The following CCDC42 variants were observed in gnomAD, a reference collection of about 807,000 sequenced individuals.
The protein encoded by CCDC42 is coiled-coil domain containing 42, also known as coiled-coil domain-containing protein 42.
Under a neutral mutation model 40.8 loss-of-function variants are expected in CCDC42, and 38 were observed. That is an observed-to-expected ratio of 0.93 (90% CI 0.72 to 1.22). The LOEUF (loss-of-function observed/expected upper bound fraction) is 1.22. Ranked by LOEUF, CCDC42 falls within the 50% of genes most tolerant of loss-of-function variation. The pLI, the probability that CCDC42 is intolerant of heterozygous loss-of-function variation, is 0.00. For synonymous variants in CCDC42, 135 were observed against 157.5 expected, an observed-to-expected ratio of 0.86 and a Z score of 1.07; for missense variants, 379 against 416.5, an observed-to-expected ratio of 0.91 and a Z score of 0.78.
intron 4 of CCDC42, among the ~76,000 whole-genome samples, chr17:8,740,213 G>C (rs2086633555): frequency 6.6e-6 from 1 of 152,060 alleles, no homozygotes; most frequent in Non-Finnish European, 1.5e-5. Flanking sequence ...AAGAAGAAAA[G>C]TGGAGGATCG....
In CCDC42 at chr17:8,735,574, G is replaced by A. The variant is rs1006624837; in HGVS notation, c.530C>T (p.Thr177Met). ...GAGGTCGTGGCGCATGCTCACCAGC[G>A]TCTTGTAGCGTGCAATCACCTCATG... ...EIHEVIARYK[T>M]LVSMRHDLMQ... is the part of the protein sequence containing the mutation. Residue 177 changes from threonine (T) to methionine (M), a missense_variant, in exon 5 of 7, where the codon ACG becomes ATG. Transcript: ENST00000293845. The surrounding 1 kb of genome is among the most constrained non-coding windows in gnomAD (Gnocchi z 4.7). 1.6e-5 allele frequency: 26 copies of A among 1,613,936 alleles called. No individual in the cohort carries two copies. The highest frequency in any genetic ancestry group is 1.6e-4 in the Middle Eastern group (1 of 6,084).
chr17:8,734,255 T>C (rs903161558), intron 6 of CCDC42, among the ~76,000 whole-genome samples: 2 of 152,242 alleles, frequency 1.3e-5, no homozygotes, highest in Non-Finnish European at 2.9e-5. Context: ...TAATTTCTAT[T>C]GTGGCAATTA....
At chr17:8,732,748 A>G (rs1191474417) in intron 6 of CCDC42, among the ~76,000 whole-genome samples, 2 of 152,190 alleles carry the variant, frequency 1.3e-5, no homozygotes, top group African/African-American at 4.8e-5. Context: ...TAAATGTATT[A>G]GTCTATGGAG....
At position 8,744,135 on chromosome 17, in the gene CCDC42, G is replaced by A. The variant is rs772513013; in HGVS notation, c.133C>T (p.Leu45=). ...ATTTCTGTCTCCTTTTTCTTCTCCA[G>A]TAGCCAGATGGATGGGGACTCCGAC... ...GASESPSIWL[L]EKKKETEIMH... Residue 45 remains leucine, a synonymous_variant, in exon 2 of 7, where the codon CTG becomes TTG. Transcript: ENST00000293845. 6.2e-7 allele frequency: 1 copy of A among 1,613,820 alleles called. No individual in the cohort carries two copies. Among genetic ancestry groups the A allele is most frequent in the East Asian group, 2.2e-5 (1 of 44,862 alleles).
At position 8,743,715 on chromosome 17, in the gene CCDC42, T is replaced by C. The variant is rs1383680042; in HGVS notation, c.205A>G (p.Met69Val). 1 of 1,608,476 alleles carries C rather than the reference T, an allele frequency of 6.2e-7. No homozygotes were observed. The highest frequency in any genetic ancestry group is 1.7e-5 in the Admixed American group (1 of 60,006). ...VQKKKMFQRRMETLNLRWEEL... is the reference protein window; with the variant it reads ...VQKKKMFQRRVETLNLRWEEL... ...TCCCAGCGCAGGTTCAGGGTTTCCA[T>C]TCTGCGCTGAAACATCTTTGGGGTG... The change falls in exon 3 of 7, where the codon ATG becomes GTG. Residue 69 changes from methionine (M) to valine (V), a missense_variant. By Grantham distance (21) the Met-to-Val change is conservative (BLOSUM62 1). Transcript: ENST00000293845.
chr17:8,741,727 C>G, intron 3 of CCDC42, 56 bp from the exon 4 acceptor site: 1 of 1,552,334 alleles, frequency 6.4e-7, no homozygotes, highest in Admixed American at 1.9e-5. Context: ...CTCCCGGGGC[C>G]CAGGCCTTCC....
chr17:8,743,667 G>A lies in CCDC42; in HGVS notation c.253C>T (p.Gln85Ter). 1 of 1,613,156 alleles carries A rather than the reference G, an allele frequency of 6.2e-7. No homozygotes were observed. The highest frequency in any genetic ancestry group is 1.3e-5 in the African/African-American group (1 of 74,950). The change falls in exon 3 of 7, where the codon CAA (glutamine) becomes TAA (stop). Residue 85 changes from glutamine to a stop codon, truncating the protein, a stop_gained. Transcript: ENST00000293845. LOFTEE classifies it high-confidence loss of function. ...RWEELGVKEA[Q>*]LKAHIQKSEQ... Reference sequence around the variant, plus strand: ...GACTTCTGGATGTGAGCCTTCAGTTGGGCTTCCTTAACGCCCAGTTCCTCC... The same window carrying A: ...GACTTCTGGATGTGAGCCTTCAGTTAGGCTTCCTTAACGCCCAGTTCCTCC...
At chr17:8,736,147 C>G (rs886790934) in intron 4 of CCDC42, among the ~76,000 whole-genome samples, 1 of 152,182 alleles carries the variant, frequency 6.6e-6, no homozygotes, top group Non-Finnish European at 1.5e-5. Flanking sequence ...TTAGGAAAAC[C>G]AGATTCTGCT....
chr17:8,742,027 A>G (rs545985724), intron 3 of CCDC42, among the ~76,000 whole-genome samples: 9 of 151,808 alleles, frequency 5.9e-5, no homozygotes, highest in Non-Finnish European at 1.3e-4. Flanking sequence ...ACTGGGGAAG[A>G]CCTACATTGC....
chr17:8,743,793 G>A, intron 2 of CCDC42, 63 bp from the exon 3 acceptor site: 16 of 981,742 alleles, frequency 1.6e-5, no homozygotes, highest in Non-Finnish European at 2.6e-5. Flanking sequence ...TACCAAGGAA[G>A]ACCCCAGCAT....
chr17:8,730,188 T>C lies in CCDC42; in HGVS notation c.893A>G (p.Asp298Gly). The change falls in exon 7 of 7, where the codon GAC becomes GGC. Residue 298 changes from aspartate to glycine, a missense_variant. Coordinates refer to ENST00000293845, the MANE Select transcript of CCDC42 (RefSeq NM_144681.3). ...QLDMIQQFIQ[D>G]RSDIWAEVKK... Reference sequence around the variant, plus strand: ...CACCTCTGCCCAGATGTCCGACCGGTCTTGGATAAATTGCTGGATCTAGAA... The same window carrying C: ...CACCTCTGCCCAGATGTCCGACCGGCCTTGGATAAATTGCTGGATCTAGAA... 6.2e-7 allele frequency: 1 copy of C among 1,613,900 alleles called. No individual in the cohort carries two copies. Among genetic ancestry groups the C allele is most frequent in the Middle Eastern group, 1.7e-4 (1 of 6,060 alleles).
chr17:8,743,626 C>T lies in CCDC42; in HGVS notation c.294G>A (p.Gln98=), dbSNP rs1436166081. ...TGCGGCCGCCCACACCCCTTCAAACCTGGATGAACTGCTCAGACTTCTGGA... is the reference window on the plus strand; with the variant it reads ...TGCGGCCGCCCACACCCCTTCAAACTTGGATGAACTGCTCAGACTTCTGGA... ...AHIQKSEQFI[Q]ENDQKRIRAM... is the part of the protein sequence containing the mutation. Residue 98 remains glutamine (Q), a splice_region_variant and synonymous_variant, in exon 3 of 7, where the codon CAG becomes CAA. Coordinates refer to ENST00000293845, the MANE Select transcript of CCDC42 (RefSeq NM_144681.3). 1 of 1,598,012 alleles carries T rather than the reference C, an allele frequency of 6.3e-7. No homozygotes were observed. The highest frequency in any genetic ancestry group is 2.2e-5 in the East Asian group (1 of 44,786).
rs375917191 is a variant in CCDC42, at chr17:8,741,690, G to A, written c.295-19C>T. 1.2e-6 allele frequency: 2 copies of A among 1,608,584 alleles called. No homozygotes were observed. The highest frequency in any genetic ancestry group is 2.7e-5 in the African/African-American group (2 of 74,816). On this transcript the variant is annotated intron_variant, in intron 3 of 6. Transcript: ENST00000293845. ...CGTTCTCCTGGGGCCCGGGGAGGTG[G>A]CGCTGGTCAGGAAGCCTCGCCCAGC...
Position 8,740,802 on chromosome 17 carries a change from G to A in CCDC42, c.492+672C>T, listed in dbSNP as rs1339214721. Among the ~76,000 whole-genome samples the A allele has an allele frequency of 2.0e-5, 3 of 152,224 alleles. No individual in the cohort carries two copies. The East Asian group carries it at 5.8e-4, about 29-fold the overall frequency. ...CACTGAGGAGTGGCTAAAAGCAAAG[G>A]CTCTCCCCACTGACGAGCTGCGAGA... On this transcript the variant is annotated intron_variant, in intron 4 of 6. Coordinates refer to ENST00000293845, the MANE Select transcript of CCDC42 (RefSeq NM_144681.3).
Position 8,743,660 on chromosome 17 carries a change from T to G in CCDC42, c.260A>C (p.Lys87Thr), listed in dbSNP as rs2086658714. 1 of 1,612,530 alleles carries G rather than the reference T, an allele frequency of 6.2e-7. No homozygotes were observed. The highest frequency in any genetic ancestry group is 8.5e-7 in the Non-Finnish European group (1 of 1,178,738). ...CTGCTCAGACTTCTGGATGTGAGCCTTCAGTTGGGCTTCCTTAACGCCCAG... is the reference window on the plus strand; with the variant it reads ...CTGCTCAGACTTCTGGATGTGAGCCGTCAGTTGGGCTTCCTTAACGCCCAG... ...EELGVKEAQL[K>T]AHIQKSEQFI... The change falls in exon 3 of 7, where the codon AAG (lysine) becomes ACG (threonine). Residue 87 changes from lysine to threonine, a missense_variant. Transcript: ENST00000293845.
In CCDC42 at chr17:8,730,204, G is replaced by C; in HGVS notation, c.877C>G (p.Gln293Glu). ...EDTHKQLDMIQQFIQDRSDIW... is the reference protein window; with the variant it reads ...EDTHKQLDMIEQFIQDRSDIW... ...TCCGACCGGTCTTGGATAAATTGCT[G>C]GATCTAGAAAGGCAAGGAGCCCAGC... Residue 293 changes from glutamine to glutamate, a missense_variant, in exon 7 of 7, where the codon CAG (glutamine) becomes GAG (glutamate). Coordinates refer to ENST00000293845, the MANE Select transcript of CCDC42 (RefSeq NM_144681.3). 1 of 1,613,330 alleles carries C rather than the reference G, an allele frequency of 6.2e-7. No individual in the cohort carries two copies. Among genetic ancestry groups the C allele is most frequent in the Non-Finnish European group, 8.5e-7 (1 of 1,179,606 alleles).
intron 4 of CCDC42, among the ~76,000 whole-genome samples, chr17:8,739,297 G>C (rs923088674): frequency 1.6e-4 from 24 of 152,324 alleles, no homozygotes; most frequent in African/African-American, 5.5e-4. Context: ...GAGCAGGAGG[G>C]AGGAGCCAAG....
Position 8,729,940 on chromosome 17 carries a change from GA to G in CCDC42, c.*189del, listed in dbSNP as rs1206151172. 1.7e-6 allele frequency: 1 copy of G among 575,940 alleles called. No homozygotes were observed. The highest frequency in any genetic ancestry group is 1.9e-5 in the African/African-American group (1 of 52,474). The allele number at this position is 575,940 out of a possible 1,614,324, so 35.7% of individuals were successfully genotyped here. A position where few individuals can be genotyped will look rare whatever the true frequency, so the allele number is the denominator to read the frequency against. ...ACTACCAAAGGGCTAGAGAGAACTTGAGAACAAACTTCATATAACATTCACT... is the reference window on the plus strand; with the variant it reads ...ACTACCAAAGGGCTAGAGAGAACTTGGAACAAACTTCATATAACATTCACT... On this transcript the variant is annotated 3_prime_UTR_variant, in exon 7 of 7. Coordinates refer to ENST00000293845, the MANE Select transcript of CCDC42 (RefSeq NM_144681.3).
In CCDC42 at chr17:8,735,263, TG is replaced by T. The variant is rs748232874; in HGVS notation, c.715-10del. On this transcript the variant is annotated splice_polypyrimidine_tract_variant and intron_variant, in intron 5 of 6. Transcript: ENST00000293845. The surrounding 1 kb of genome is among the most constrained non-coding windows in gnomAD (Gnocchi z 4.7). ...TGCGCCCAGCGAGATTCCTGGAGAG[TG>T]GATAAGGACGGGGCATGAGCACAGC... The T allele has an allele frequency of 1.2e-5, 19 of 1,613,464 alleles. No individual in the cohort carries two copies. The highest frequency in any genetic ancestry group is 1.7e-5 in the Admixed American group (1 of 59,948).
Sources: gnomAD v4.1 joint callset for allele counts (sites outside exome capture counted in the v4.1 genomes callset) on GRCh38, gnomAD v4.1.1 for gene constraint, Gnocchi (gnomAD v3.1) non-coding constraint, MANE v1.5 for transcripts, NCBI Gene and HGNC (gene_info 2026-07-23, HGNC 2026-07-21) for gene names.